TCF12: variants seen among roughly 807,000 people sequenced by gnomAD.
The protein encoded by TCF12 is DNA-binding protein HTF4.
In TCF12, 45 loss-of-function variants were observed where a neutral mutation model predicts 86.0. The observed-to-expected ratio is 0.52, with a 90% CI of 0.41 to 0.67. The LOEUF is 0.67. Among genes scored for constraint, TCF12 ranks in the 30% least tolerant of loss-of-function variants. The probability of loss-of-function intolerance (pLI) is 0.00; values close to 1 mark genes in which losing one functional copy is unlikely to be tolerated. For missense variants in TCF12, 881 were observed against 859.9 expected (o/e 1.02, Z -0.31); for synonymous variants, 330 against 299.6 (o/e 1.10, Z -1.05).
intron 3 of TCF12, among the ~76,000 whole-genome samples, chr15:57,033,473 A>G (rs780063033): frequency 9.2e-5 from 14 of 152,156 alleles, no homozygotes; most frequent in African/African-American, 1.7e-4. Flanking sequence ...AGTAATGGCA[A>G]ATGTTTTCCC....
rs1447048829 is a variant in TCF12 at position 57,262,074 on chromosome 15, T to G, written c.1468-20T>G. On this transcript the variant is annotated intron_variant, in intron 16 of 20. Coordinates refer to ENST00000333725, the MANE Select transcript of TCF12 (RefSeq NM_207037.2). ...AACTATCTTAATCTTTTTTTATTTT[T>G]GGGTTTTCCTTAACTTTAGGTTGGA... The G allele has an allele frequency of 2.6e-6, 4 of 1,522,460 alleles. No individual in the cohort carries two copies. The highest frequency in any genetic ancestry group is 3.6e-6 in the Non-Finnish European group (4 of 1,107,756). The allele number at this position is 1,522,460 out of a possible 1,614,324, so 94.3% of individuals were successfully genotyped here.
chr15:57,157,238 G>A (rs2054174965), intron 5 of TCF12, among the ~76,000 whole-genome samples: 1 of 151,044 alleles, frequency 6.6e-6, no homozygotes, highest in South Asian at 2.1e-4. Flanking sequence ...ACACCAAGGT[G>A]ACTTGATTAT....
At chr15:57,180,962 C>G (rs919618840) in intron 6 of TCF12, among the ~76,000 whole-genome samples, 2 of 151,450 alleles carry the variant, frequency 1.3e-5, no homozygotes, top group Non-Finnish European at 2.9e-5. Flanking sequence ...CTACAGGCAC[C>G]CGCCACCACG....
intron 3 of TCF12, among the ~76,000 whole-genome samples, chr15:56,993,718 A>G (rs1288337084): frequency 6.6e-6 from 1 of 152,206 alleles, no homozygotes; most frequent in African/African-American, 2.4e-5. Flanking sequence ...AACCATGGCT[A>G]TAGAAGCCAT....
chr15:57,263,320 G>A (rs778019239), intron 18 of TCF12, 46 bp downstream of exon 18: 3 of 1,572,742 alleles, frequency 1.9e-6, no homozygotes, highest in Admixed American at 4.0e-5. Flanking sequence ...TTTTCCATAG[G>A]TAAACATACT....
chr15:56,953,905 C>G (rs1436668003), intron 3 of TCF12, among the ~76,000 whole-genome samples: 8 of 104,718 alleles, frequency 7.6e-5, no homozygotes, highest in African/African-American at 2.7e-4. Context: ...TCTATTTTTT[C>G]CCCCATTTCT....
intron 6 of TCF12, among the ~76,000 whole-genome samples, chr15:57,175,579 CA>C (rs1251035559): frequency 1.3e-5 from 2 of 152,290 alleles, no homozygotes; most frequent in African/African-American, 4.8e-5. Flanking sequence ...TTGTCTTAAA[CA>C]GCAATTTTGA....
intron 8 of TCF12, among the ~76,000 whole-genome samples, chr15:57,222,135 A>G (rs2058627267): frequency 6.6e-6 from 1 of 151,928 alleles, no homozygotes; most frequent in African/African-American, 2.4e-5. Context: ...ACATTGATTC[A>G]TTTTTAACAT....
chr15:57,165,134 C>CTG (rs10651646), intron 5 of TCF12, among the ~76,000 whole-genome samples: 6,935 of 146,676 alleles, frequency 0.047, 189 homozygotes, highest in African/African-American at 0.066. Flanking sequence ...GAATGTATGT[C>CTG]TGTGTGTGTG....
chr15:56,982,390 A>G (rs1364349590), intron 3 of TCF12, among the ~76,000 whole-genome samples: 2 of 152,196 alleles, frequency 1.3e-5, no homozygotes, highest in Non-Finnish European at 2.9e-5. Flanking sequence ...AATATAGGTA[A>G]ATTCAAAATC....
chr15:57,282,992 T>A (rs559004827), intron 20 of TCF12, among the ~76,000 whole-genome samples: 5 of 152,354 alleles, frequency 3.3e-5, no homozygotes, highest in Admixed American at 6.5e-5. Flanking sequence ...ACCAGTTTTC[T>A]GCCAATTATC....
intron 8 of TCF12, among the ~76,000 whole-genome samples, chr15:57,221,469 A>G (rs561696886): frequency 2.8e-4 from 42 of 151,736 alleles, no homozygotes; most frequent in Admixed American, 2.6e-4. Context: ...GACTAACTCA[A>G]AATGAGTTTA....
chr15:57,088,195 A>G (rs1166068207), intron 4 of TCF12, among the ~76,000 whole-genome samples: 1 of 152,110 alleles, frequency 6.6e-6, no homozygotes, highest in African/African-American at 2.4e-5. Flanking sequence ...CCCTTAGGCC[A>G]TTTACCTTCA....
intron 6 of TCF12, among the ~76,000 whole-genome samples, chr15:57,169,593 A>G (rs1295742315): frequency 1.3e-5 from 2 of 152,218 alleles, no homozygotes; most frequent in African/African-American, 4.8e-5. Context: ...CATGTAATCC[A>G]CATAACAAAA....
chr15:57,045,727 G>A (rs1188356074), intron 3 of TCF12, among the ~76,000 whole-genome samples: 6 of 151,966 alleles, frequency 3.9e-5, no homozygotes, highest in African/African-American at 1.5e-4. Flanking sequence ...TGTATTTTTT[G>A]TAGAGATGGG....
At chr15:56,977,598 C>G (rs1487561637) in intron 3 of TCF12, among the ~76,000 whole-genome samples, 2 of 151,304 alleles carry the variant, frequency 1.3e-5, no homozygotes, top group East Asian at 1.9e-4. Flanking sequence ...CACACACACA[C>G]AGAGAGGTGG....
At chr15:57,032,118 A>G (rs1422755854) in intron 3 of TCF12, among the ~76,000 whole-genome samples, 13 of 152,320 alleles carry the variant, frequency 8.5e-5, no homozygotes, top group Non-Finnish European at 7.4e-5. Context: ...GAGCTTGGGA[A>G]AGAGACCTCG....
chr15:57,072,595 C>G, intron 4 of TCF12: 1 of 1,150,216 alleles, frequency 8.7e-7, no homozygotes, highest in East Asian at 5.3e-5. Flanking sequence ...AGTTCAAATA[C>G]AGTAATTAGA....
At chr15:57,275,807 G>T (rs1355899104) in intron 19 of TCF12, among the ~76,000 whole-genome samples, 3 of 152,056 alleles carry the variant, frequency 2.0e-5, no homozygotes, top group African/African-American at 7.2e-5. Context: ...ACAATCACTG[G>T]ATGCTTATTT....
Sources: allele counts gnomAD v4.1 joint callset (sites outside exome capture counted in the v4.1 genomes callset), GRCh38; gene constraint gnomAD v4.1.1; transcripts MANE v1.5; gene names NCBI Gene and HGNC (gene_info 2026-07-23, HGNC 2026-07-21).